ADGRA3: variants seen among roughly 807,000 people sequenced by gnomAD.
ADGRA3 encodes the protein G-protein coupled receptor 125.
In ADGRA3, 56 loss-of-function variants were observed where a neutral mutation model predicts 119.8. That is an observed-to-expected ratio of 0.47 (90% CI 0.38 to 0.58). The LOEUF (loss-of-function observed/expected upper bound fraction) is 0.58, where lower values mean the gene tolerates loss of function less well. ADGRA3 is among the 20% of genes least tolerant of loss of function. The probability of loss-of-function intolerance (pLI) is 0.00; values close to 1 mark genes in which losing one functional copy is unlikely to be tolerated. For missense variants in ADGRA3, 1,516 were observed against 1,649.0 expected, an observed-to-expected ratio of 0.92 and a Z score of 1.40; for synonymous variants, 607 against 623.8, an observed-to-expected ratio of 0.97 and a Z score of 0.40.
Position 22,387,608 on chromosome 4 carries a change from C to A in ADGRA3, c.*97G>T. The A allele has an allele frequency of 8.6e-7, 1 of 1,158,170 alleles. No homozygotes were observed. Among genetic ancestry groups the A allele is most frequent in the East Asian group, 2.5e-5 (1 of 40,676 alleles). 71.7% of individuals were successfully genotyped at this position (1,158,170 alleles called of 1,614,324 possible). On this transcript the variant is annotated 3_prime_UTR_variant, in exon 19 of 19. Transcript: ENST00000334304. ...AAGTTTATTCCAAATTCTTTTGAAT[C>A]CCTATGGTGGCTGTAAACAGTTTTT...
chr4:22,424,824 C>CT, intron 10 of ADGRA3, among the ~76,000 whole-genome samples: 1 of 152,186 alleles, frequency 6.6e-6, no homozygotes. Flanking sequence ...GTAATCCCAG[C>CT]ACTTTGGGAG....
In ADGRA3 at chr4:22,421,020, C is replaced by A; in HGVS notation, c.1675G>T (p.Val559Leu). 1.2e-6 allele frequency: 2 copies of A among 1,614,006 alleles called. No individual in the cohort carries two copies. Among genetic ancestry groups the A allele is most frequent in the Non-Finnish European group, 1.7e-6 (2 of 1,179,952 alleles). ...STGFTGMTCTVFQKVAASDRT... is the reference protein window; with the variant it reads ...STGFTGMTCTLFQKVAASDRT... ...TCAGAGGCTGCCACTTTCTGGAACA[C>A]GGTACAGGTCATCCCCGTGAAGCCA... Residue 559 changes from valine to leucine, a missense_variant, in exon 12 of 19, where the codon GTG (valine) becomes TTG (leucine). Val to Leu is a conservative substitution (Grantham distance 32). This residue lies in a region of ADGRA3 where 1,088 missense variants were observed against 1,107.1 expected (regional missense o/e 0.98). Coordinates refer to ENST00000334304, the MANE Select transcript of ADGRA3 (RefSeq NM_145290.4).
intron 1 of ADGRA3, among the ~76,000 whole-genome samples, chr4:22,474,794 A>G (rs187615369): frequency 2.4e-4 from 36 of 152,320 alleles, no homozygotes; most frequent in Admixed American, 2.1e-3. Context: ...GGCACACTAC[A>G]GGCATCTGGG....
intron 1 of ADGRA3, among the ~76,000 whole-genome samples, chr4:22,482,251 A>C (rs1477508847): frequency 6.6e-6 from 1 of 152,204 alleles, no homozygotes; most frequent in Admixed American, 6.5e-5. Context: ...ATAAAGTATA[A>C]AAATCTTTTC....
Position 22,438,327 on chromosome 4 carries a change from A to G in ADGRA3, c.1014T>C (p.Asp338=). The change falls in exon 8 of 19, where the codon GAT becomes GAC. Residue 338 remains aspartate, a synonymous_variant. Transcript: ENST00000334304. ...TKRGNNTRTV[D]IVVLESSAQY... ...GTGCAGAACTCTCTAATACCACAAT[A>G]TCCACAGTCCTCGTATTATTCCCAC... 1.9e-6 allele frequency: 3 copies of G among 1,612,664 alleles called. No homozygotes were observed. In the South Asian group the frequency reaches 3.3e-5, roughly 18 times the overall value.
rs570046017 is a variant in ADGRA3, at chr4:22,438,902, G to A, written c.921-482C>T. On this transcript the variant is annotated intron_variant, in intron 7 of 18. Transcript: ENST00000334304. ...ATCCCAGCTGCTTGGGAGGCTGAGTGAGGCTGGAGGATGGCTTGAACCCAG... is the reference window on the plus strand; with the variant it reads ...ATCCCAGCTGCTTGGGAGGCTGAGTAAGGCTGGAGGATGGCTTGAACCCAG... 3.9e-5 allele frequency among the ~76,000 whole-genome samples: 6 copies of A among 152,252 alleles called. No individual in the cohort carries two copies. In the South Asian group the frequency reaches 1.2e-3, roughly 32 times the overall value.
rs536583322 is a variant in ADGRA3, at chr4:22,429,996, T to C, written c.1443+5315A>G. On this transcript the variant is annotated intron_variant, in intron 10 of 18. Coordinates refer to ENST00000334304, the MANE Select transcript of ADGRA3 (RefSeq NM_145290.4). The stretch of plus-strand genomic sequence containing the variant: ...GGTCTTTGTCATGCTGTTTTTGTGA[T>C]AGTAAGTCTCACGATATCTGATGGT... Among the ~76,000 whole-genome samples, 7 of 152,274 alleles carry C rather than the reference T, an allele frequency of 4.6e-5. No individual in the cohort carries two copies. The East Asian group carries it at 9.7e-4, about 21-fold the overall frequency.
intron 1 of ADGRA3, among the ~76,000 whole-genome samples, chr4:22,493,803 G>T (rs1185358118): frequency 1.3e-5 from 2 of 152,034 alleles, no homozygotes; most frequent in African/African-American, 2.4e-5. Flanking sequence ...TAAGTCATAG[G>T]ATAAAAAAGG....
rs146115478 is a variant in ADGRA3, at chr4:22,398,776, C to T, written c.2481+2655G>A. 2.4e-3 allele frequency among the ~76,000 whole-genome samples: 366 copies of T among 152,204 alleles called. 13 individuals carry two copies. In the East Asian group the frequency reaches 0.061, roughly 25 times the overall value. ...TATAATAACACAGGGTTTGTTAGTT[C>T]ACTCTCTCTGTGCTGGGCATTTGGG... On this transcript the variant is annotated intron_variant, in intron 16 of 18. Transcript: ENST00000334304.
At chr4:22,498,234 C>T (rs576138209) in intron 1 of ADGRA3, among the ~76,000 whole-genome samples, 6 of 131,882 alleles carry the variant, frequency 4.5e-5, no homozygotes, top group African/African-American at 1.5e-4. Flanking sequence ...GCAACAAAAG[C>T]GAAACGAGTT....
At chr4:22,415,653 T>C (rs1242269381) in intron 12 of ADGRA3, among the ~76,000 whole-genome samples, 9 of 152,138 alleles carry the variant, frequency 5.9e-5, no homozygotes, top group Non-Finnish European at 1.2e-4. Context: ...AATATCGTTA[T>C]ACACACAAAA....
At chr4:22,412,003 G>A (rs544508365) in intron 14 of ADGRA3, among the ~76,000 whole-genome samples, 1 of 151,800 alleles carries the variant, frequency 6.6e-6, no homozygotes, top group South Asian at 2.1e-4. Flanking sequence ...TTATAATTCA[G>A]GTTTACTTCA....
At chr4:22,501,012 C>G (rs1719031726) in intron 1 of ADGRA3, among the ~76,000 whole-genome samples, 1 of 152,130 alleles carries the variant, frequency 6.6e-6, no homozygotes, top group Non-Finnish European at 1.5e-5. Flanking sequence ...AGACCCAGCC[C>G]AGGACTAACA....
intron 7 of ADGRA3, among the ~76,000 whole-genome samples, chr4:22,439,090 C>T (rs1018053960): frequency 7.9e-5 from 12 of 152,168 alleles, no homozygotes. Flanking sequence ...GTTTCCAAGT[C>T]ACATCTCCCT....
rs73800927 is a variant in ADGRA3 at position 22,395,371 on chromosome 4, T to C, written c.2482-2681A>G. Among the ~76,000 whole-genome samples the C allele has an allele frequency of 9.3e-3, 1,418 of 152,260 alleles. 23 individuals are homozygous for C. The highest frequency in any genetic ancestry group is 0.033 in the African/African-American group (1,362 of 41,552). ...AAACTTTATGATGAATACAAGCATATAGATGATGAATATGTAAACAATTAA... is the reference window on the plus strand; with the variant it reads ...AAACTTTATGATGAATACAAGCATACAGATGATGAATATGTAAACAATTAA... On this transcript the variant is annotated intron_variant, in intron 16 of 18. Transcript: ENST00000334304.
intron 16 of ADGRA3, chr4:22,394,417 A>G (rs551696716): frequency 2.0e-5 from 3 of 152,224 alleles, no homozygotes; most frequent in Non-Finnish European, 2.9e-5. Context: ...AAGTGGCTTC[A>G]TGGTTCCCAT....
intron 3 of ADGRA3, among the ~76,000 whole-genome samples, chr4:22,461,344 G>A (rs991756888): frequency 6.6e-6 from 1 of 152,082 alleles, no homozygotes; most frequent in African/African-American, 2.4e-5. Context: ...ACAGAGTCTC[G>A]CTCTGTCTTG....
intron 3 of ADGRA3, among the ~76,000 whole-genome samples, chr4:22,458,316 T>C (rs1045617160): frequency 2.6e-5 from 4 of 152,264 alleles, no homozygotes; most frequent in Admixed American, 6.5e-5. Flanking sequence ...CTCAACTCCC[T>C]AATGACCTGT....
chr4:22,501,923 A>AT (rs1428575987), intron 1 of ADGRA3, among the ~76,000 whole-genome samples: 12 of 26,794 alleles, frequency 4.5e-4, no homozygotes, highest in African/African-American at 2.3e-3. Context: ...TCGAATGTGT[A>AT]ATTTTTTTTT....
Sources: allele counts gnomAD v4.1 joint callset (sites outside exome capture counted in the v4.1 genomes callset), GRCh38; gene constraint gnomAD v4.1.1; regional missense constraint gnomAD v4.1.1; transcripts MANE v1.5; gene names NCBI Gene and HGNC (gene_info 2026-07-23, HGNC 2026-07-21).